The following SRGAP3 variants were observed in gnomAD, a reference collection of about 807,000 sequenced individuals.
SRGAP3 encodes SLIT-ROBO Rho GTPase-activating protein 3.
Under a neutral mutation model 121.1 loss-of-function variants are expected in SRGAP3, and 39 were observed. That is an observed-to-expected ratio of 0.32 (90% CI 0.25 to 0.42). SRGAP3 has a LOEUF of 0.42. Among genes scored for constraint, SRGAP3 ranks in the 10% least tolerant of loss-of-function variants. The pLI is 1.00. For synonymous variants in SRGAP3, 601 were observed against 570.0 expected, an observed-to-expected ratio of 1.05 and a Z score of -0.77; for missense variants, 1,213 against 1,470.6, an observed-to-expected ratio of 0.82 and a Z score of 2.86.
rs1344616296 is a variant in SRGAP3, at chr3:9,218,909, G to A, written c.67+29976C>T. ...GCTGGTCTCAAACTCCTGACCTCAGGTGATCCACCCACCTCGGCCTCCCAA... is the reference window on the plus strand; with the variant it reads ...GCTGGTCTCAAACTCCTGACCTCAGATGATCCACCCACCTCGGCCTCCCAA... On this transcript the variant is annotated intron_variant, in intron 1 of 21. Coordinates refer to ENST00000383836, the MANE Select transcript of SRGAP3 (RefSeq NM_014850.4). This position sits in a 1 kb window ranked among gnomAD's most constrained non-coding sequence, Gnocchi z 5.3. 1.3e-5 allele frequency among the ~76,000 whole-genome samples: 2 copies of A among 152,194 alleles called. No homozygotes were observed. The highest frequency in any genetic ancestry group is 4.8e-5 in the African/African-American group (2 of 41,454).
chr3:9,330,079 C>G (rs1312740699), intron 2 of SRGAP3, among the ~76,000 whole-genome samples: 3 of 152,212 alleles, frequency 2.0e-5, no homozygotes, highest in Non-Finnish European at 4.4e-5. Flanking sequence ...AGAAGGAACT[C>G]AGTTTTCCAG....
At chr3:9,198,382 A>G (rs1300482583) in intron 1 of SRGAP3, among the ~76,000 whole-genome samples, 1 of 152,204 alleles carries the variant, frequency 6.6e-6, no homozygotes, top group African/African-American at 2.4e-5. Flanking sequence ...CAATTCCCAC[A>G]TGCAGTGATG....
Position 9,071,801 on chromosome 3 carries a change from G to A in SRGAP3, c.487-7220C>T, listed in dbSNP as rs1055068052. ...GATCTAGTGAGTATATTGGCGGGGA[G>A]AACAGCTACACCTTCAATTATCAAA... On this transcript the variant is annotated intron_variant, in intron 4 of 21. Coordinates refer to ENST00000383836, the MANE Select transcript of SRGAP3 (RefSeq NM_014850.4). Among the ~76,000 whole-genome samples the A allele has an allele frequency of 2.0e-5, 3 of 152,036 alleles. No individual in the cohort carries two copies. In the South Asian group the frequency reaches 6.2e-4, roughly 32 times the overall value.
chr3:9,288,093 T>C (rs1230610731), intron 3 of SRGAP3, among the ~76,000 whole-genome samples: 1 of 151,760 alleles, frequency 6.6e-6, no homozygotes, highest in Non-Finnish European at 1.5e-5. Context: ...ATTTCAATAT[T>C]CAATAAAGCA....
chr3:9,095,995 C>T (rs948322500), intron 3 of SRGAP3, among the ~76,000 whole-genome samples: 22 of 151,806 alleles, frequency 1.4e-4, no homozygotes, highest in South Asian at 4.2e-4. Context: ...TTTCTTGAGC[C>T]CAGGAGTTCG....
At chr3:9,206,789 G>T (rs1003713327) in intron 1 of SRGAP3, among the ~76,000 whole-genome samples, 1 of 152,058 alleles carries the variant, frequency 6.6e-6, no homozygotes, top group African/African-American at 2.4e-5. Flanking sequence ...CCAGCACACC[G>T]CATCCCCCTA....
intron 1 of SRGAP3, among the ~76,000 whole-genome samples, chr3:9,195,550 C>T (rs1258104783): frequency 1.3e-5 from 2 of 152,152 alleles, no homozygotes; most frequent in Non-Finnish European, 2.9e-5. Context: ...CTTCCTCCCT[C>T]AGCTCCTCCC....
chr3:9,244,789 C>T (rs1180330142), intron 1 of SRGAP3, among the ~76,000 whole-genome samples: 1 of 152,152 alleles, frequency 6.6e-6, no homozygotes, highest in East Asian at 1.9e-4. Flanking sequence ...CTTATGAGCA[C>T]CTAGGACAGG....
At chr3:9,014,443 C>A (rs1349533457) in intron 15 of SRGAP3, among the ~76,000 whole-genome samples, 2 of 152,186 alleles carry the variant, frequency 1.3e-5, no homozygotes, top group Non-Finnish European at 2.9e-5. Context: ...TAAATCACCA[C>A]TTCTCAAGCT....
chr3:9,328,299 G>A (rs778234227), intron 2 of SRGAP3, among the ~76,000 whole-genome samples: 2 of 152,120 alleles, frequency 1.3e-5, no homozygotes, highest in Non-Finnish European at 2.9e-5. Context: ...ACAGACAGAA[G>A]AAGATTACTA....
chr3:9,012,022 T>G (rs1422137355), intron 17 of SRGAP3, among the ~76,000 whole-genome samples: 1 of 152,230 alleles, frequency 6.6e-6, no homozygotes, highest in Non-Finnish European at 1.5e-5. Context: ...AAAATTCTCT[T>G]TGTCCAGAAA....
At chr3:9,266,873 G>C (rs143878960) in intron 3 of SRGAP3, among the ~76,000 whole-genome samples, 2 of 152,288 alleles carry the variant, frequency 1.3e-5, no homozygotes, top group East Asian at 3.9e-4. Flanking sequence ...GTGGAAGTGA[G>C]TGGCTTGGCC....
intron 1 of SRGAP3, among the ~76,000 whole-genome samples, chr3:9,356,183 C>CTTT (rs916919134): frequency 2.9e-5 from 4 of 136,762 alleles, no homozygotes; most frequent in African/African-American, 1.2e-4. Flanking sequence ...GTTTATGGGA[C>CTTT]TTTTTTTTCT....
rs1018224183 is a variant in SRGAP3 at position 9,249,218 on chromosome 3, C to T, written c.-267G>A. 1 of 549,402 alleles carries T rather than the reference C, an allele frequency of 1.8e-6. No individual in the cohort carries two copies. Among genetic ancestry groups the T allele is most frequent in the African/African-American group, 1.9e-5 (1 of 53,026 alleles). The allele number at this position is 549,402 out of a possible 1,614,324, so 34.0% of individuals were successfully genotyped here. A position where few individuals can be genotyped will look rare whatever the true frequency, so the allele number is the denominator to read the frequency against. On this transcript the variant is annotated 5_prime_UTR_variant, in exon 1 of 22. Transcript: ENST00000383836. ...AGAATCACCCTAGGAGCACAGTAAC[C>T]TGCCCCAGATTTTCAAAGATTTTTC...
At position 9,239,809 on chromosome 3, in the gene SRGAP3, T is replaced by G. The variant is rs571014217; in HGVS notation, c.67+9076A>C. Among the ~76,000 whole-genome samples, 8 of 152,298 alleles carry G rather than the reference T, an allele frequency of 5.3e-5. No homozygotes were observed. Among genetic ancestry groups the G allele is most frequent in the African/African-American group, 1.9e-4 (8 of 41,556 alleles). On this transcript the variant is annotated intron_variant, in intron 1 of 21. Coordinates refer to ENST00000383836, the MANE Select transcript of SRGAP3 (RefSeq NM_014850.4). This position sits in a 1 kb window ranked among gnomAD's most constrained non-coding sequence, Gnocchi z 4.0. The stretch of plus-strand genomic sequence containing the variant: ...TAGATGTGCATTTGTTTTACTTCTT[T>G]CCCTCTTCAAACTGCTCTCTGAGAC...
At chr3:9,226,886 C>A (rs1953004948) in intron 1 of SRGAP3, among the ~76,000 whole-genome samples, 1 of 152,174 alleles carries the variant, frequency 6.6e-6, no homozygotes, top group Non-Finnish European at 1.5e-5. Context: ...ACCATGAGCA[C>A]CTGCCAGGAA....
At chr3:9,203,108 C>G (rs1021829436) in intron 1 of SRGAP3, among the ~76,000 whole-genome samples, 1 of 152,198 alleles carries the variant, frequency 6.6e-6, no homozygotes, top group African/African-American at 2.4e-5. Context: ...GCACAGAAGT[C>G]TCTGACTCCC....
At chr3:9,228,208 G>A (rs1475098932) in intron 1 of SRGAP3, among the ~76,000 whole-genome samples, 1 of 152,070 alleles carries the variant, frequency 6.6e-6, no homozygotes, top group African/African-American at 2.4e-5. Flanking sequence ...GGAGGTGTAG[G>A]GGCTCAAGAG....
intron 10 of SRGAP3, 90 bp downstream of exon 10, chr3:9,047,301 A>C: frequency 7.3e-7 from 1 of 1,374,170 alleles, no homozygotes; most frequent in Non-Finnish European, 1.0e-6. Flanking sequence ...CTGCTGTCTC[A>C]AGCCTGAACA....
Sources: gnomAD v4.1 joint callset for allele counts (sites outside exome capture counted in the v4.1 genomes callset) on GRCh38, gnomAD v4.1.1 for gene constraint, Gnocchi (gnomAD v3.1) non-coding constraint, MANE v1.5 for transcripts, NCBI Gene and HGNC (gene_info 2026-07-23, HGNC 2026-07-21) for gene names.